The following CFDP1 variants were observed in gnomAD, a reference collection of about 807,000 sequenced individuals.
CFDP1 encodes heterochromatin-stabilizing protein CFDP1.
In CFDP1, 31 loss-of-function variants were observed where a neutral mutation model predicts 40.1. The observed-to-expected ratio is 0.77, with a 90% CI of 0.58 to 1.04. The LOEUF (loss-of-function observed/expected upper bound fraction) is 1.04, where lower values mean the gene tolerates loss of function less well. CFDP1 is among the 50% of genes least tolerant of loss of function. CFDP1 has a pLI of 0.00. For missense variants in CFDP1, 423 were observed against 343.4 expected (o/e 1.23, Z -1.83); for synonymous variants, 167 against 120.0 (o/e 1.39, Z -2.56).
In CFDP1 at chr16:75,363,942, A is replaced by AACACACACACACACACACAC. The variant is rs10635711; in HGVS notation, c.650+31128_650+31147dup. ...GTCTAGTGGGGGAGAAAAGAGGTGA[A>AACACACACACACACACACAC]ACACACACACACACACACACACACA... On this transcript the variant is annotated intron_variant, in intron 5 of 6. Coordinates refer to ENST00000283882, the MANE Select transcript of CFDP1 (RefSeq NM_006324.3). 7.8e-4 allele frequency among the ~76,000 whole-genome samples: 112 copies of AACACACACACACACACACAC among 142,940 alleles called. 1 individual carries two copies. The highest frequency in any genetic ancestry group is 4.1e-3 in the South Asian group (18 of 4,338). 93.8% of individuals were successfully genotyped at this position (142,940 alleles called of 152,430 possible). A position where few individuals can be genotyped will look rare whatever the true frequency, so the allele number is the denominator to read the frequency against.
chr16:75,421,513 A>G (rs1182859398), intron 1 of CFDP1, among the ~76,000 whole-genome samples: 2 of 152,228 alleles, frequency 1.3e-5, no homozygotes, highest in East Asian at 3.8e-4. Flanking sequence ...TAGGCACAAA[A>G]GGAACAAATC....
chr16:75,406,909 T>A (rs1230357649), intron 4 of CFDP1, among the ~76,000 whole-genome samples: 1 of 152,068 alleles, frequency 6.6e-6, no homozygotes, highest in Non-Finnish European at 1.5e-5. Context: ...TAATCCCAAC[T>A]ACTCGAGAGA....
rs1159809958 is a variant in CFDP1, at chr16:75,297,158, GTGTGTGTC to G, written c.810-3124_810-3117del. Among the ~76,000 whole-genome samples, 40 of 133,874 alleles carry G rather than the reference GTGTGTGTC, an allele frequency of 3.0e-4. 1 individual carries two copies. Among genetic ancestry groups the G allele is most frequent in the Admixed American group, 1.6e-3 (22 of 13,380 alleles). 87.8% of individuals were successfully genotyped at this position (133,874 alleles called of 152,430 possible). On this transcript the variant is annotated intron_variant, in intron 6 of 6. Transcript: ENST00000283882. The stretch of plus-strand genomic sequence containing the variant: ...TGCTTCCCATTTCTTGTGTGTGTGT[GTGTGTGTC>G]TGTGTGTGTGTGTGTGTGTGTGTGT...
chr16:75,411,914 C>T lies in CFDP1; in HGVS notation c.441G>A (p.Leu147=), dbSNP rs1463103302. The part of the protein sequence containing the change: ...EETEETSSSK[L]LVKAEELEKP... ...TCTCTAGCTCTTCTGCTTTTACCAA[C>T]AATTTACTTGAACTTGTCTCTTCAG... Residue 147 remains leucine (L), a synonymous_variant, in exon 4 of 7, where the codon TTG becomes TTA. Transcript: ENST00000283882. The T allele has an allele frequency of 3.1e-6, 5 of 1,611,512 alleles. No homozygotes were observed. Among genetic ancestry groups the T allele is most frequent in the Non-Finnish European group, 3.4e-6 (4 of 1,179,478 alleles).
At chr16:75,305,338 C>A in intron 5 of CFDP1, 156 bp from the exon 6 acceptor site, 1 of 677,520 alleles carries the variant, frequency 1.5e-6, no homozygotes, top group Non-Finnish European at 2.5e-6. Context: ...GTGTGGAGAG[C>A]ACTGTAAGTA....
At chr16:75,425,941 C>T (rs1156849965) in intron 1 of CFDP1, among the ~76,000 whole-genome samples, 1 of 139,502 alleles carries the variant, frequency 7.2e-6, no homozygotes, top group African/African-American at 2.7e-5. Context: ...GAAGCTGAGG[C>T]AGGAGAATCG....
chr16:75,384,912 C>A (rs2078882021), intron 5 of CFDP1, among the ~76,000 whole-genome samples: 1 of 126,938 alleles, frequency 7.9e-6, no homozygotes, highest in East Asian at 2.4e-4. Context: ...CAGACCAGTA[C>A]AGACAGGGTA....
intron 6 of CFDP1, among the ~76,000 whole-genome samples, chr16:75,299,573 G>C (rs189499479): frequency 0.045 from 6,682 of 150,150 alleles, 196 homozygotes; most frequent in South Asian, 0.11. Flanking sequence ...CCAGCCTGGG[G>C]AAAAGAGCGA....
intron 5 of CFDP1, among the ~76,000 whole-genome samples, chr16:75,365,296 C>CA (rs1460959641): frequency 1.3e-5 from 2 of 152,200 alleles, no homozygotes; most frequent in Admixed American, 1.3e-4. Context: ...AACCCTCCCT[C>CA]AGACAGATAA....
chr16:75,354,137 T>G (rs1429158490), intron 5 of CFDP1, among the ~76,000 whole-genome samples: 2 of 152,224 alleles, frequency 1.3e-5, no homozygotes, highest in Non-Finnish European at 2.9e-5. Context: ...TGTTACATGA[T>G]TTTGTCCAAG....
intron 4 of CFDP1, among the ~76,000 whole-genome samples, chr16:75,395,953 C>T (rs977096212): frequency 7.4e-6 from 1 of 134,364 alleles, no homozygotes; most frequent in African/African-American, 2.6e-5. Flanking sequence ...TTAATCCCTG[C>T]CTAGGCTTTC....
intron 5 of CFDP1, among the ~76,000 whole-genome samples, chr16:75,386,820 C>G (rs986057752): frequency 6.6e-6 from 1 of 152,218 alleles, no homozygotes; most frequent in Non-Finnish European, 1.5e-5. Flanking sequence ...CAGATATCCT[C>G]TTCCCTCCCA....
intron 5 of CFDP1, among the ~76,000 whole-genome samples, chr16:75,339,522 T>C (rs2078511998): frequency 6.6e-6 from 1 of 152,178 alleles, no homozygotes; most frequent in South Asian, 2.1e-4. Flanking sequence ...TGCTTGCTCA[T>C]GGCTGTCTAG....
chr16:75,424,328 C>A (rs1178119580), intron 1 of CFDP1, among the ~76,000 whole-genome samples: 3 of 152,168 alleles, frequency 2.0e-5, no homozygotes, highest in South Asian at 2.1e-4. Flanking sequence ...TGTTAGGTGA[C>A]TGAGTTGGTA....
intron 5 of CFDP1, among the ~76,000 whole-genome samples, chr16:75,372,987 A>G (rs918465284): frequency 6.6e-6 from 1 of 152,204 alleles, no homozygotes; most frequent in Non-Finnish European, 1.5e-5. Flanking sequence ...TGTTGTTTTA[A>G]AGGAGTTCCC....
chr16:75,359,768 C>T (rs540669531), intron 5 of CFDP1, among the ~76,000 whole-genome samples: 2 of 152,294 alleles, frequency 1.3e-5, no homozygotes, highest in Non-Finnish European at 2.9e-5. Context: ...CGATAACAGC[C>T]TCTGGCCCAA....
chr16:75,304,029 T>A (rs980295593), intron 6 of CFDP1, among the ~76,000 whole-genome samples: 2 of 151,100 alleles, frequency 1.3e-5, no homozygotes, highest in African/African-American at 4.9e-5. Flanking sequence ...CGTAAGTACT[T>A]ATGAACACCT....
intron 5 of CFDP1, among the ~76,000 whole-genome samples, chr16:75,309,325 G>A (rs992094870): frequency 6.6e-5 from 10 of 152,096 alleles, no homozygotes; most frequent in South Asian, 2.1e-4. Flanking sequence ...AAGCCGAGGC[G>A]GGAGAGAATC....
chr16:75,430,237 C>T (rs1474912893), intron 1 of CFDP1, among the ~76,000 whole-genome samples: 1 of 151,148 alleles, frequency 6.6e-6, no homozygotes, highest in African/African-American at 2.5e-5. Flanking sequence ...GTGGCGCAAC[C>T]TCAGCTCACT....
Sources: allele counts gnomAD v4.1 joint callset (sites outside exome capture counted in the v4.1 genomes callset), GRCh38; gene constraint gnomAD v4.1.1; transcripts MANE v1.5; gene names NCBI Gene and HGNC (gene_info 2026-07-23, HGNC 2026-07-21).